Variants in NIPAL3 observed in about 807,000 individuals in gnomAD.
NIPAL3 encodes NIPA like domain containing 3.
Under a neutral mutation model 47.2 loss-of-function variants are expected in NIPAL3, and 41 were observed. The observed-to-expected ratio is 0.87, with a 90% CI of 0.68 to 1.13. The LOEUF is 1.13. Ranked by LOEUF, NIPAL3 falls within the 50% of genes most tolerant of loss-of-function variation. The pLI is 0.00. For missense variants in NIPAL3, 449 were observed against 530.1 expected (o/e 0.85, Z 1.50); for synonymous variants, 194 against 209.6 (o/e 0.93, Z 0.64).
chr1:24,470,953 CAT>C lies in NIPAL3; in HGVS notation c.*1770_*1771del, dbSNP rs1306677684. ...GGAAGACCCAGGCTACAAAATAAGACATAGTTCCTGCCCTCCAGGCCAGCAGA... is the reference window on the plus strand; with the variant it reads ...GGAAGACCCAGGCTACAAAATAAGACAGTTCCTGCCCTCCAGGCCAGCAGA... On this transcript the variant is annotated 3_prime_UTR_variant, in exon 12 of 12. Transcript: ENST00000374399. The C allele has an allele frequency of 6.6e-6, 1 of 151,796 alleles. No homozygotes were observed. The highest frequency in any genetic ancestry group is 1.5e-5 in the Non-Finnish European group (1 of 68,066). 9.4% of individuals were successfully genotyped at this position (151,796 alleles called of 1,614,324 possible).
At chr1:24,420,531 G>A (rs1457999423) in intron 2 of NIPAL3, among the ~76,000 whole-genome samples, 3 of 151,980 alleles carry the variant, frequency 2.0e-5, no homozygotes, top group Non-Finnish European at 4.4e-5. Flanking sequence ...ATATATATAG[G>A]TATGTATGTA....
intron 11 of NIPAL3, among the ~76,000 whole-genome samples, chr1:24,467,135 G>A (rs1646729995): frequency 6.6e-6 from 1 of 152,132 alleles, no homozygotes; most frequent in East Asian, 1.9e-4. Context: ...ATTAAGTGCA[G>A]GTATATAGGG....
chr1:24,449,602 G>C lies in NIPAL3; in HGVS notation c.516G>C (p.Val172=). The change falls in exon 6 of 12, where the codon GTG becomes GTC. Residue 172 remains valine, a synonymous_variant. Coordinates refer to ENST00000374399, the MANE Select transcript of NIPAL3 (RefSeq NM_020448.5). This position sits in a 1 kb window ranked among gnomAD's most constrained non-coding sequence, Gnocchi z 4.5. ...GCGAGAATGTCACCAGGCACCTCGT[G>C]AGCTGGCCTTTCCTTTTGTACATGG... ...MTGENVTRHL[V]SWPFLLYMLV... is the part of the protein sequence containing the mutation. 1 of 1,613,846 alleles carries C rather than the reference G, an allele frequency of 6.2e-7. No homozygotes were observed. The highest frequency in any genetic ancestry group is 8.5e-7 in the Non-Finnish European group (1 of 1,180,010).
chr1:24,437,177 G>A (rs865951830), intron 2 of NIPAL3, among the ~76,000 whole-genome samples: 7 of 152,072 alleles, frequency 4.6e-5, no homozygotes, highest in South Asian at 2.1e-4. Flanking sequence ...GCGTGAACCC[G>A]GGAGGTGGAG....
intron 11 of NIPAL3, among the ~76,000 whole-genome samples, chr1:24,467,902 C>T (rs1405492514): frequency 6.6e-6 from 1 of 152,138 alleles, no homozygotes; most frequent in African/African-American, 2.4e-5. Context: ...GCATATTAAA[C>T]AGTTAGATGT....
upstream of NIPAL3, chr1:24,414,888 A>T (rs1643949393): frequency 6.6e-6 from 1 of 151,762 alleles, no homozygotes; most frequent in African/African-American, 2.4e-5. Context: ...AGGCCCAACC[A>T]CGCCCCCAGA....
chr1:24,465,780 AG>A, intron 11 of NIPAL3: 1 of 424,672 alleles, frequency 2.4e-6, no homozygotes, highest in South Asian at 4.4e-5. Flanking sequence ...ATATGTGTAA[AG>A]GCCTCTTGCA....
chr1:24,423,253 G>A (rs1404916692), intron 2 of NIPAL3, among the ~76,000 whole-genome samples: 1 of 152,244 alleles, frequency 6.6e-6, no homozygotes, highest in Non-Finnish European at 1.5e-5. Flanking sequence ...TGTAATGATA[G>A]AAGCTGTTCT....
At chr1:24,428,324 G>A (rs951930217) in intron 2 of NIPAL3, among the ~76,000 whole-genome samples, 1 of 142,838 alleles carries the variant, frequency 7.0e-6, no homozygotes, top group Non-Finnish European at 1.5e-5. Flanking sequence ...TTTCCCCAAA[G>A]CCAGCTATAA....
At chr1:24,438,104 C>T (rs936078835) in intron 2 of NIPAL3, among the ~76,000 whole-genome samples, 1 of 152,150 alleles carries the variant, frequency 6.6e-6, no homozygotes, top group Non-Finnish European at 1.5e-5. Flanking sequence ...CTTTTCTTGC[C>T]TTGGCACCCC....
intron 5 of NIPAL3, 140 bp downstream of exon 5, chr1:24,445,384 T>C: frequency 5.3e-6 from 3 of 563,214 alleles, no homozygotes; most frequent in Non-Finnish European, 9.3e-6. Flanking sequence ...AACAGGCTCC[T>C]GAGAGCTGGA....
intron 2 of NIPAL3, among the ~76,000 whole-genome samples, chr1:24,436,411 C>T (rs1234284752): frequency 6.6e-6 from 1 of 151,946 alleles, no homozygotes; most frequent in East Asian, 1.9e-4. Context: ...AAGAAGCTCA[C>T]CAATATGCCA....
chr1:24,442,921 G>A (rs1284548549), intron 4 of NIPAL3, among the ~76,000 whole-genome samples: 1 of 152,188 alleles, frequency 6.6e-6, no homozygotes, highest in Non-Finnish European at 1.5e-5. Context: ...AGTGAGCTTT[G>A]ATTACACAAT....
Position 24,416,961 on chromosome 1 carries a change from T to A in NIPAL3, c.-258+1057T>A, listed in dbSNP as rs1644075356. 1 of 152,310 alleles carries A rather than the reference T, an allele frequency of 6.6e-6. No homozygotes were observed. Among genetic ancestry groups the A allele is most frequent in the South Asian group, 2.1e-4 (1 of 4,830 alleles). The allele number at this position is 152,310 out of a possible 1,614,324, so 9.4% of individuals were successfully genotyped here. On this transcript the variant is annotated intron_variant, in intron 1 of 11. Coordinates refer to ENST00000374399, the MANE Select transcript of NIPAL3 (RefSeq NM_020448.5). This position sits in a 1 kb window ranked among gnomAD's most constrained non-coding sequence, Gnocchi z 4.8. ...CTTGGGCAAACTACTCTGAAGGATG[T>A]TAGGAGGCCTGGGTTCCCACCACTC...
At chr1:24,420,575 A>G (rs1032738112) in intron 2 of NIPAL3, among the ~76,000 whole-genome samples, 1 of 152,176 alleles carries the variant, frequency 6.6e-6, no homozygotes, top group Non-Finnish European at 1.5e-5. Context: ...GATAATTTTC[A>G]TTCGGATTTC....
At chr1:24,466,149 C>T (rs749115152) in intron 11 of NIPAL3, 1 of 1,532,264 alleles carries the variant, frequency 6.5e-7, no homozygotes, top group Non-Finnish European at 8.9e-7. Context: ...CCCTGACCTC[C>T]AGGAACTAGC....
intron 2 of NIPAL3, among the ~76,000 whole-genome samples, chr1:24,439,934 G>A (rs1360855256): frequency 6.6e-6 from 1 of 152,248 alleles, no homozygotes; most frequent in Non-Finnish European, 1.5e-5. Flanking sequence ...GACCTTGTCA[G>A]GTCAGTGTGA....
At chr1:24,438,456 G>C (rs898356908) in intron 2 of NIPAL3, among the ~76,000 whole-genome samples, 1 of 152,188 alleles carries the variant, frequency 6.6e-6, no homozygotes. Context: ...CCTCCCTCTC[G>C]GTCCTCCTGC....
intron 2 of NIPAL3, among the ~76,000 whole-genome samples, chr1:24,429,513 T>C (rs929482837): frequency 1.3e-5 from 2 of 152,228 alleles, no homozygotes; most frequent in Non-Finnish European, 2.9e-5. Flanking sequence ...CTTTTCTCCT[T>C]GAATTTGTAT....
Sources: allele counts gnomAD v4.1 joint callset (sites outside exome capture counted in the v4.1 genomes callset), GRCh38; gene constraint gnomAD v4.1.1; non-coding constraint Gnocchi (gnomAD v3.1); transcripts MANE v1.5; gene names NCBI Gene and HGNC (gene_info 2026-07-23, HGNC 2026-07-21).